NAALADL2: variants seen among roughly 807,000 people sequenced by gnomAD.
The protein encoded by NAALADL2 is N-acetylated alpha-linked acidic dipeptidase like 2.
Under a neutral mutation model 87.2 loss-of-function variants are expected in NAALADL2, and 76 were observed. That is an observed-to-expected ratio of 0.87 (90% CI 0.72 to 1.05). NAALADL2 has a LOEUF of 1.05. Among genes scored for constraint, NAALADL2 ranks in the 50% least tolerant of loss-of-function variants. NAALADL2 has a pLI of 0.00. For synonymous variants in NAALADL2, 354 were observed against 331.0 expected (o/e 1.07, Z -0.75); for missense variants, 1,089 against 945.8 (o/e 1.15, Z -1.99).
chr3:175,048,831 C>A (rs931524950), intron 1 of NAALADL2, among the ~76,000 whole-genome samples: 1 of 151,758 alleles, frequency 6.6e-6, no homozygotes, highest in Non-Finnish European at 1.5e-5. Flanking sequence ...CATAATACAC[C>A]CTGGGAGTGG....
At chr3:175,628,194 C>G (rs544352079) in intron 11 of NAALADL2, among the ~76,000 whole-genome samples, 1 of 151,578 alleles carries the variant, frequency 6.6e-6, no homozygotes, top group Non-Finnish European at 1.5e-5. Flanking sequence ...GTGCCGTATT[C>G]GACAAATTAC....
rs1052674214 is a variant in NAALADL2 at position 175,810,112 on chromosome 3, C to G, written c.*6909C>G. The stretch of plus-strand genomic sequence containing the variant: ...TCATTGTCATTGTCGTTGTTGTTAA[C>G]TGATTTTTAATGATATTGATTTAGA... On this transcript the variant is annotated 3_prime_UTR_variant, in exon 14 of 14. Transcript: ENST00000454872. 1 of 151,890 alleles carries G rather than the reference C, an allele frequency of 6.6e-6. No individual in the cohort carries two copies. The highest frequency in any genetic ancestry group is 1.5e-5 in the Non-Finnish European group (1 of 67,902). The allele number at this position is 151,890 out of a possible 1,614,324, so 9.4% of individuals were successfully genotyped here. A position where few individuals can be genotyped will look rare whatever the true frequency, so the allele number is the denominator to read the frequency against.
At position 174,766,398 on chromosome 3, in the gene NAALADL2, TC is replaced by T. The variant is rs756434606; in HGVS notation, c.-9+28653del. ...GGATCTTTGAGGGTCAATGCTTTCT[TC>T]AGTGTATCGCTCAGGCTCTTGCGAG... On this transcript the variant is annotated intron_variant, in intron 3 of 3. Transcript: ENST00000434257. Among the ~76,000 whole-genome samples the T allele has an allele frequency of 7.4e-4, 112 of 152,334 alleles. 1 individual carries two copies. The highest frequency in any genetic ancestry group is 1.2e-3 in the South Asian group (6 of 4,830).
At chr3:174,831,021 G>A (rs912229973) in intron 3 of NAALADL2, among the ~76,000 whole-genome samples, 99 of 150,672 alleles carry the variant, frequency 6.6e-4, no homozygotes, top group African/African-American at 2.2e-3. Flanking sequence ...AGACAATGGT[G>A]TTTTCTAGAT....
intron 10 of NAALADL2, among the ~76,000 whole-genome samples, chr3:175,619,484 AAC>A (rs1491344709): frequency 2.0e-5 from 3 of 151,120 alleles, no homozygotes; most frequent in African/African-American, 7.3e-5. Flanking sequence ...AAAAAAAAAA[AAC>A]AACTTAAATG....
At chr3:175,252,412 A>C (rs1028959172) in intron 3 of NAALADL2, among the ~76,000 whole-genome samples, 26 of 152,136 alleles carry the variant, frequency 1.7e-4, no homozygotes. Context: ...GCACCCATAT[A>C]AGACAGCAAA....
intron 4 of NAALADL2, among the ~76,000 whole-genome samples, chr3:175,281,750 C>A (rs1371572467): frequency 2.0e-5 from 3 of 151,918 alleles, no homozygotes; most frequent in Admixed American, 6.6e-5. Context: ...ATTGTTTATA[C>A]AAGTATCTTA....
intron 4 of NAALADL2, among the ~76,000 whole-genome samples, chr3:175,291,542 A>G (rs1755640047): frequency 6.6e-6 from 1 of 152,140 alleles, no homozygotes; most frequent in Non-Finnish European, 1.5e-5. Context: ...TATGTTATTC[A>G]AGCTAGAAAT....
chr3:175,205,503 A>G (rs1740684019), intron 2 of NAALADL2, among the ~76,000 whole-genome samples: 1 of 152,200 alleles, frequency 6.6e-6, no homozygotes, highest in Non-Finnish European at 1.5e-5. Flanking sequence ...CTAGAAGATA[A>G]CACTGGAAAA....
rs376493383 is a variant in NAALADL2 at position 175,372,164 on chromosome 3, T to C, written c.1090+47839T>C. On this transcript the variant is annotated intron_variant, in intron 5 of 13. Transcript: ENST00000454872. Reference sequence around the variant, plus strand: ...AGCTGGCGTGTTGCCCTGCAGACTTTACTGAACTGCTAGTACAGGAGTCGC... The same window carrying C: ...AGCTGGCGTGTTGCCCTGCAGACTTCACTGAACTGCTAGTACAGGAGTCGC... Among the ~76,000 whole-genome samples, 72 of 152,338 alleles carry C rather than the reference T, an allele frequency of 4.7e-4. 2 individuals are homozygous for C. Among genetic ancestry groups the C allele is most frequent in the Admixed American group, 1.8e-3 (28 of 15,306 alleles).
chr3:175,352,804 TTATGGG>T (rs949001243), intron 5 of NAALADL2, among the ~76,000 whole-genome samples: 2 of 152,190 alleles, frequency 1.3e-5, no homozygotes, highest in Admixed American at 6.6e-5. Context: ...TGAATTACAT[TTATGGG>T]TATGGGTATG....
chr3:175,396,312 A>T (rs886073307), intron 5 of NAALADL2, among the ~76,000 whole-genome samples: 3 of 152,176 alleles, frequency 2.0e-5, no homozygotes, highest in African/African-American at 4.8e-5. Context: ...TTCAGTACTG[A>T]TTTTAATTTA....
At chr3:174,588,946 T>C (rs1717040931) in intron 2 of NAALADL2, among the ~76,000 whole-genome samples, 1 of 152,118 alleles carries the variant, frequency 6.6e-6, no homozygotes, top group Non-Finnish European at 1.5e-5. Flanking sequence ...TTCTGCTGCC[T>C]TTTTTTCAGC....
chr3:174,939,182 G>T (rs1298588094), intron 1 of NAALADL2, among the ~76,000 whole-genome samples: 1 of 152,008 alleles, frequency 6.6e-6, no homozygotes, highest in African/African-American at 2.4e-5. Flanking sequence ...GTTGATTTTT[G>T]TATATGGTGT....
At chr3:175,383,757 G>C (rs923294479) in intron 5 of NAALADL2, among the ~76,000 whole-genome samples, 1 of 152,030 alleles carries the variant, frequency 6.6e-6, no homozygotes, top group Admixed American at 6.6e-5. Flanking sequence ...TATGAAGGTG[G>C]TTGTAGCATT....
At chr3:174,759,708 T>C (rs997121785) in intron 3 of NAALADL2, among the ~76,000 whole-genome samples, 1 of 152,092 alleles carries the variant, frequency 6.6e-6, no homozygotes, top group African/African-American at 2.4e-5. Flanking sequence ...AATCACTTTT[T>C]TTTTTTTTTG....
At chr3:175,376,196 C>T (rs958785979) in intron 5 of NAALADL2, among the ~76,000 whole-genome samples, 1 of 152,196 alleles carries the variant, frequency 6.6e-6, no homozygotes, top group Admixed American at 6.5e-5. Flanking sequence ...TCCTAGTTAT[C>T]AATTTCTTCA....
intron 13 of NAALADL2, among the ~76,000 whole-genome samples, chr3:175,770,767 A>G (rs898998572): frequency 2.0e-5 from 3 of 152,202 alleles, no homozygotes; most frequent in Admixed American, 6.6e-5. Context: ...TTTACACAAT[A>G]TAATTCAAAA....
intron 10 of NAALADL2, among the ~76,000 whole-genome samples, chr3:175,580,487 T>C (rs1230774022): frequency 1.3e-5 from 2 of 152,198 alleles, no homozygotes; most frequent in African/African-American, 4.8e-5. Flanking sequence ...TCATAATCAA[T>C]GTTAGGTAAA....
Sources: allele counts gnomAD v4.1 joint callset (sites outside exome capture counted in the v4.1 genomes callset), GRCh38; gene constraint gnomAD v4.1.1; transcripts MANE v1.5; gene names NCBI Gene and HGNC (gene_info 2026-07-23, HGNC 2026-07-21).